PALS1: variants seen among roughly 807,000 people sequenced by gnomAD.
The protein encoded by PALS1 is protein associated with LIN7 1, MAGUK p55 family member, also known as protein PALS1.
Under a neutral mutation model 78.9 loss-of-function variants are expected in PALS1, and 31 were observed. The observed-to-expected ratio is 0.39, with a 90% CI of 0.30 to 0.53. The LOEUF (loss-of-function observed/expected upper bound fraction) is 0.53. PALS1 is among the 20% of genes least tolerant of loss of function. The pLI is 0.67. For synonymous variants in PALS1, 276 were observed against 270.9 expected (o/e 1.02, Z -0.18); for missense variants, 704 against 826.5 (o/e 0.85, Z 1.82).
intron 14 of PALS1, among the ~76,000 whole-genome samples, chr14:67,330,894 A>G (rs1271861484): frequency 6.6e-6 from 1 of 152,176 alleles, no homozygotes; most frequent in Non-Finnish European, 1.5e-5. Context: ...AGTCTTTTCA[A>G]ATTTGTTGAG....
intron 1 of PALS1, among the ~76,000 whole-genome samples, chr14:67,257,774 G>C (rs2084169533): frequency 1.3e-5 from 2 of 152,186 alleles, no homozygotes; most frequent in Admixed American, 1.3e-4. Context: ...AACTCAGGTA[G>C]AGGAGGTGAG....
rs557463093 is a variant in PALS1 at position 67,311,430 on chromosome 14, G to A, written c.1042-1097G>A. ...AGCCTGAACTTGGAATTTAACCTAT[G>A]TGTGACAGAAATGCTCACTGCAAAT... On this transcript the variant is annotated intron_variant, in intron 8 of 14. Transcript: ENST00000261681. 5.9e-5 allele frequency among the ~76,000 whole-genome samples: 9 copies of A among 151,754 alleles called. No homozygotes were observed. In the South Asian group the frequency reaches 1.7e-3, roughly 28 times the overall value.
At chr14:67,308,528 A>G (rs1266160278) in intron 8 of PALS1, among the ~76,000 whole-genome samples, 3 of 149,632 alleles carry the variant, frequency 2.0e-5, no homozygotes, top group Non-Finnish European at 4.4e-5. Context: ...AGCACTCTCC[A>G]AATATTTTTT....
intron 4 of PALS1, among the ~76,000 whole-genome samples, chr14:67,294,021 G>T (rs2084809435): frequency 6.6e-6 from 1 of 152,126 alleles, no homozygotes; most frequent in Non-Finnish European, 1.5e-5. Flanking sequence ...GAAAAGCAAA[G>T]AACTAAAGTG....
At position 67,315,236 on chromosome 14, in the gene PALS1, C is replaced by G. The variant is rs556387417; in HGVS notation, c.1226-1596C>G. Among the ~76,000 whole-genome samples the G allele has an allele frequency of 1.7e-3, 198 of 115,328 alleles. 3 individuals carry two copies. The highest frequency in any genetic ancestry group is 2.6e-4 in the Non-Finnish European group (13 of 50,234). 75.7% of individuals were successfully genotyped at this position (115,328 alleles called of 152,430 possible). A position where few individuals can be genotyped will look rare whatever the true frequency, so the allele number is the denominator to read the frequency against. ...TGTAAATGATTAAAATTACTTTGTT[C>G]TTGATTTTTAAAAATCGGTTACTTA... is the stretch of plus-strand genomic sequence containing the variant. On this transcript the variant is annotated intron_variant, in intron 9 of 14. Coordinates refer to ENST00000261681, the MANE Select transcript of PALS1 (RefSeq NM_022474.4).
chr14:67,280,160 G>A (rs1393432140), intron 3 of PALS1, among the ~76,000 whole-genome samples: 2 of 152,106 alleles, frequency 1.3e-5, no homozygotes, highest in African/African-American at 2.4e-5. Context: ...TTCTTATCAC[G>A]GGACTTCTCA....
chr14:67,304,448 T>C (rs73282746), intron 8 of PALS1, among the ~76,000 whole-genome samples: 23,547 of 152,190 alleles, frequency 0.15, 3,430 homozygotes, highest in East Asian at 0.41. Context: ...TGATGGGATA[T>C]TATTTGATAA....
rs774764089 is a variant in PALS1 at position 67,323,724 on chromosome 14, C to T, written c.1763C>T (p.Ser588Leu). 1 of 1,586,870 alleles carries T rather than the reference C, an allele frequency of 6.3e-7. No individual in the cohort carries two copies. Among genetic ancestry groups the T allele is most frequent in the Non-Finnish European group, 8.6e-7 (1 of 1,168,472 alleles). Residue 588 changes from serine (S) to leucine (L), a missense_variant, in exon 14 of 15, where the codon TCA (serine) becomes TTA (leucine). Physicochemically the swap from Ser to Leu is moderately radical, Grantham distance 145. Coordinates refer to ENST00000261681, the MANE Select transcript of PALS1 (RefSeq NM_022474.4). ...RTQSLKTLRN[S>L]DLKPYIIFIA... is the part of the protein sequence containing the mutation. ...CAGTCATTGAAGACTCTCCGGAATT[C>T]AGATTTGAAACCATATATTATCTTC...
chr14:67,250,567 GT>G, intron 1 of PALS1, among the ~76,000 whole-genome samples: 1 of 152,254 alleles, frequency 6.6e-6, no homozygotes, highest in Non-Finnish European at 1.5e-5. Context: ...GATTCTGATA[GT>G]CATCTGGGCC....
rs2085448292 is a variant in PALS1, at chr14:67,331,466, C to T, written c.1852-1314C>T. 2.6e-5 allele frequency among the ~76,000 whole-genome samples: 4 copies of T among 151,940 alleles called. No homozygotes were observed. The South Asian group carries it at 6.2e-4, about 24-fold the overall frequency. ...GATGGCGTTACAAAATGTAACCAAC[C>T]GGTTATCTAGTTGCATTCTGAATCT... On this transcript the variant is annotated intron_variant, in intron 14 of 14. Transcript: ENST00000261681.
intron 2 of PALS1, among the ~76,000 whole-genome samples, chr14:67,275,349 A>G (rs1222226817): frequency 3.3e-5 from 5 of 152,174 alleles, no homozygotes; most frequent in Non-Finnish European, 7.3e-5. Flanking sequence ...AATTTTGTCA[A>G]AGGCCTTTTC....
intron 1 of PALS1, among the ~76,000 whole-genome samples, chr14:67,244,282 C>T (rs1350571975): frequency 1.3e-5 from 2 of 152,162 alleles, no homozygotes; most frequent in Non-Finnish European, 2.9e-5. Context: ...AGTGGAATTG[C>T]TGATAATAGG....
chr14:67,264,487 G>A (rs1259226511), intron 1 of PALS1, among the ~76,000 whole-genome samples: 1 of 151,980 alleles, frequency 6.6e-6, no homozygotes, highest in African/African-American at 2.4e-5. Flanking sequence ...TTTTCTTGTA[G>A]CAGTTTTGCA....
chr14:67,290,466 G>C (rs1007940862), intron 3 of PALS1, among the ~76,000 whole-genome samples: 4 of 152,094 alleles, frequency 2.6e-5, no homozygotes, highest in Non-Finnish European at 1.5e-5. Context: ...GCAGTAGCGT[G>C]ATCATGGCCC....
At position 67,321,003 on chromosome 14, in the gene PALS1, CCT is replaced by C. The variant is rs1437667241; in HGVS notation, c.1538-53_1538-52del. 66 of 1,453,024 alleles carry C rather than the reference CCT, an allele frequency of 4.5e-5. 1 individual carries two copies. The highest frequency in any genetic ancestry group is 3.3e-4 in the African/African-American group (24 of 71,780). 90.0% of individuals were successfully genotyped at this position (1,453,024 alleles called of 1,614,324 possible). On this transcript the variant is annotated intron_variant, in intron 12 of 14. Transcript: ENST00000261681. ...TTCTTTCTGACTAGCAGAATTATCC[CCT>C]GTCCTCACTCTAAGCCATGCCTGTT...
chr14:67,246,852 G>A (rs1265718273), intron 1 of PALS1, among the ~76,000 whole-genome samples: 3 of 151,874 alleles, frequency 2.0e-5, no homozygotes, highest in Non-Finnish European at 2.9e-5. Context: ...GGGTTTCACC[G>A]TGTTGGCCAG....
chr14:67,270,589 T>C (rs1327191057), intron 2 of PALS1: 1 of 115,460 alleles, frequency 8.7e-6, no homozygotes, highest in East Asian at 2.2e-4. Context: ...TCAAAGGACT[T>C]TTTTTTTTTT....
At chr14:67,310,453 G>A (rs1043262510) in intron 8 of PALS1, among the ~76,000 whole-genome samples, 2 of 152,164 alleles carry the variant, frequency 1.3e-5, no homozygotes, top group Non-Finnish European at 2.9e-5. Flanking sequence ...TCCTTGGAGG[G>A]GATGGGATGG....
Position 67,330,756 on chromosome 14 carries a change from G to A in PALS1, c.1852-2024G>A, listed in dbSNP as rs187599367. Among the ~76,000 whole-genome samples, 503 of 152,114 alleles carry A rather than the reference G, an allele frequency of 3.3e-3. 3 individuals are homozygous for A. Among genetic ancestry groups the A allele is most frequent in the Non-Finnish European group, 6.1e-3 (418 of 68,006 alleles). On this transcript the variant is annotated intron_variant, in intron 14 of 14. Transcript: ENST00000261681. ...TATGGGCCTGAGCCCCCGGCACCCC[G>A]CTTCCTTGTTTTTCTCTTTAACACA...
Sources: allele counts gnomAD v4.1 joint callset (sites outside exome capture counted in the v4.1 genomes callset), GRCh38; gene constraint gnomAD v4.1.1; transcripts MANE v1.5; gene names NCBI Gene and HGNC (gene_info 2026-07-23, HGNC 2026-07-21).